FANK1: variants seen among roughly 807,000 people sequenced by gnomAD.
The protein encoded by FANK1 is fibronectin type 3 and ankyrin repeat domains protein 1.
Under a neutral mutation model 45.3 loss-of-function variants are expected in FANK1, and 44 were observed. That is an observed-to-expected ratio of 0.97 (90% confidence interval 0.76 to 1.25). The LOEUF (loss-of-function observed/expected upper bound fraction) is 1.25. FANK1 is among the 50% of genes most tolerant of loss of function. The pLI is 0.00. For synonymous variants in FANK1, 149 were observed against 152.5 expected (o/e 0.98, Z 0.17); for missense variants, 391 against 424.4 (o/e 0.92, Z 0.69).
At chr10:125,919,569 T>G (rs985914048) in intron 1 of FANK1, among the ~76,000 whole-genome samples, 1 of 152,006 alleles carries the variant, frequency 6.6e-6, no homozygotes, top group Non-Finnish European at 1.5e-5. Flanking sequence ...CTCATTTCTT[T>G]GAATAAGGCA....
rs1949868377 is a variant in FANK1, at chr10:125,960,673, C to T, written c.14-19488C>T. On this transcript the variant is annotated intron_variant, in intron 1 of 10. Transcript: ENST00000368693. ...TCCAGAGTAGCTGGGACTACAGGCGCCCACCACCATGCCCAGCTAATTTTT... is the reference window on the plus strand; with the variant it reads ...TCCAGAGTAGCTGGGACTACAGGCGTCCACCACCATGCCCAGCTAATTTTT... 3.9e-5 allele frequency among the ~76,000 whole-genome samples: 6 copies of T among 152,186 alleles called. No homozygotes were observed. In the South Asian group the frequency reaches 1.2e-3, roughly 32 times the overall value.
chr10:125,973,491 A>C (rs966500602), intron 1 of FANK1: 1 of 983,698 alleles, frequency 1.0e-6, no homozygotes, highest in South Asian at 4.7e-5. Flanking sequence ...GACTCACAGT[A>C]AGAGGTCAGT....
At chr10:125,957,147 A>T (rs1033434443) in intron 1 of FANK1, among the ~76,000 whole-genome samples, 1 of 152,068 alleles carries the variant, frequency 6.6e-6, no homozygotes, top group Admixed American at 6.5e-5. Context: ...GAGCCACCGC[A>T]CCTGGCTTAC....
chr10:125,957,191 C>G (rs1949633988), intron 1 of FANK1, among the ~76,000 whole-genome samples: 3 of 152,166 alleles, frequency 2.0e-5, no homozygotes, highest in Admixed American at 2.0e-4. Flanking sequence ...AATCTTCCTT[C>G]AAATAATACC....
intron 1 of FANK1, among the ~76,000 whole-genome samples, chr10:125,966,878 A>T (rs1490025973): frequency 6.6e-6 from 1 of 152,204 alleles, no homozygotes; most frequent in Non-Finnish European, 1.5e-5. Flanking sequence ...CCAGCTTAAA[A>T]TAATACCAAA....
intron 1 of FANK1, among the ~76,000 whole-genome samples, chr10:125,950,449 G>A (rs1949130432): frequency 6.6e-6 from 1 of 151,116 alleles, no homozygotes; most frequent in Non-Finnish European, 1.5e-5. Flanking sequence ...ATCAAAAAGT[G>A]GGCGAAGGAC....
At chr10:125,966,455 G>A (rs1481560240) in intron 1 of FANK1, among the ~76,000 whole-genome samples, 1 of 152,014 alleles carries the variant, frequency 6.6e-6, no homozygotes, top group Non-Finnish European at 1.5e-5. Flanking sequence ...CATGCACCTG[G>A]TTTGTATTTG....
intron 1 of FANK1, among the ~76,000 whole-genome samples, chr10:125,976,361 TAGTA>T (rs1950853184): frequency 6.6e-6 from 1 of 152,242 alleles, no homozygotes; most frequent in Non-Finnish European, 1.5e-5. Flanking sequence ...TAGGTCCCTC[TAGTA>T]AGGTTAGGGA....
At chr10:125,912,136 C>A (rs1307517560) in intron 1 of FANK1, among the ~76,000 whole-genome samples, 2 of 152,206 alleles carry the variant, frequency 1.3e-5, no homozygotes, top group South Asian at 2.1e-4. Flanking sequence ...TCAACAAACA[C>A]ACAGCACGTG....
rs547725046 is a variant in FANK1 at position 125,974,265 on chromosome 10, C to T, written c.14-5896C>T. 2.1e-3 allele frequency among the ~76,000 whole-genome samples: 325 copies of T among 152,250 alleles called. 1 individual carries two copies. Among genetic ancestry groups the T allele is most frequent in the Non-Finnish European group, 3.8e-3 (256 of 68,016 alleles). ...AATTGTTGGCTGTGTGCCCCACTGGCCTGGGGTGGCAAGACCAGGGCAGCC... is the reference window on the plus strand; with the variant it reads ...AATTGTTGGCTGTGTGCCCCACTGGTCTGGGGTGGCAAGACCAGGGCAGCC... On this transcript the variant is annotated intron_variant, in intron 1 of 10. Transcript: ENST00000368693.
rs1014615549 is a variant in FANK1 at position 125,964,235 on chromosome 10, C to T, written c.14-15926C>T. ...TGAGATGGAGTCATGCTCCGTCACC[C>T]GGGCTGGAGTTCAGTGGCTCAATCT... On this transcript the variant is annotated intron_variant, in intron 1 of 10. Transcript: ENST00000368693. Among the ~76,000 whole-genome samples the T allele has an allele frequency of 6.3e-5, 9 of 142,812 alleles. No homozygotes were observed. The South Asian group carries it at 7.0e-4, about 11-fold the overall frequency. The allele number at this position is 142,812 out of a possible 152,430, so 93.7% of individuals were successfully genotyped here. A position where few individuals can be genotyped will look rare whatever the true frequency, so the allele number is the denominator to read the frequency against.
chr10:125,973,479 A>T (rs1019410722), intron 1 of FANK1: 7 of 984,970 alleles, frequency 7.1e-6, no homozygotes, highest in African/African-American at 3.5e-5. Flanking sequence ...ATTCAGTGAG[A>T]TGACTCACAG....
At chr10:125,992,549 T>C (rs1018140436) in intron 3 of FANK1, among the ~76,000 whole-genome samples, 5 of 152,276 alleles carry the variant, frequency 3.3e-5, no homozygotes, top group African/African-American at 9.6e-5. Context: ...GCTCTTTACC[T>C]CCCGTGGAAG....
chr10:125,913,906 C>T (rs369592618), intron 1 of FANK1, among the ~76,000 whole-genome samples: 12 of 151,874 alleles, frequency 7.9e-5, no homozygotes, highest in South Asian at 4.2e-4. Context: ...AAACAAGATC[C>T]GGAAGAGAAC....
At chr10:125,968,082 T>G (rs1950285590) in intron 1 of FANK1, among the ~76,000 whole-genome samples, 1 of 145,696 alleles carries the variant, frequency 6.9e-6, no homozygotes, top group Non-Finnish European at 1.5e-5. Context: ...AATTTCTTCT[T>G]TTTTTTTTTT....
intron 1 of FANK1, among the ~76,000 whole-genome samples, chr10:125,963,227 A>G (rs1028859541): frequency 1.4e-4 from 21 of 152,328 alleles, no homozygotes; most frequent in Non-Finnish European, 1.2e-4. Context: ...CAGGTGATCC[A>G]CCTGCCTCGG....
intron 1 of FANK1, among the ~76,000 whole-genome samples, chr10:125,901,978 G>A (rs866493828): frequency 1.9e-4 from 29 of 152,266 alleles, no homozygotes; most frequent in Non-Finnish European, 2.8e-4. Context: ...AATTAGCCAG[G>A]TGTGGTGTTG....
intron 3 of FANK1, chr10:125,994,696 G>A (rs1358822258): frequency 1.0e-6 from 1 of 985,272 alleles, no homozygotes; most frequent in Non-Finnish European, 1.2e-6. Flanking sequence ...AGAAAGATGG[G>A]TGGCTTCTAC....
intron 1 of FANK1, chr10:125,979,947 T>C (rs1486215200): frequency 4.7e-6 from 3 of 636,052 alleles, no homozygotes; most frequent in Admixed American, 4.5e-5. Context: ...TGGTACAATA[T>C]ATGCTTGTTG....
Sources: gnomAD v4.1 joint callset for allele counts (sites outside exome capture counted in the v4.1 genomes callset) on GRCh38, gnomAD v4.1.1 for gene constraint, MANE v1.5 for transcripts, NCBI Gene and HGNC (gene_info 2026-07-23, HGNC 2026-07-21) for gene names.